The following TUSC3 variants were observed in gnomAD, a reference collection of about 807,000 sequenced individuals.
The protein encoded by TUSC3 is tumor suppressor candidate 3, also known as dolichyl-diphosphooligosaccharide--protein glycosyltransferase subunit TUSC3.
In TUSC3, 45 loss-of-function variants were observed where a neutral mutation model predicts 44.8. The observed-to-expected ratio is 1.00, with a 90% CI of 0.79 to 1.29. The LOEUF (loss-of-function observed/expected upper bound fraction) is 1.29. Among genes scored for constraint, TUSC3 ranks in the 50% most tolerant of loss-of-function variants. TUSC3 has a pLI of 0.00. For synonymous variants in TUSC3, 212 were observed against 152.9 expected (o/e 1.39, Z -2.85); for missense variants, 519 against 437.9 (o/e 1.19, Z -1.65).
chr8:15,656,771 G>A (rs1807187971), intron 3 of TUSC3, among the ~76,000 whole-genome samples: 1 of 152,196 alleles, frequency 6.6e-6, no homozygotes, highest in Non-Finnish European at 1.5e-5. Flanking sequence ...CTCTGCCTCT[G>A]CAACAAGTCT....
In TUSC3 at chr8:15,596,491, G is replaced by A. The variant is rs186790495; in HGVS notation, c.139-26589G>A. On this transcript the variant is annotated intron_variant, in intron 1 of 10. Transcript: ENST00000503731. Reference sequence around the variant, plus strand: ...GCATGTTCCGCAAGACCAACTGCAGGGCTTGAGTATATGCGGATTTTGGCG... The same window carrying A: ...GCATGTTCCGCAAGACCAACTGCAGAGCTTGAGTATATGCGGATTTTGGCG... 1.0e-3 allele frequency among the ~76,000 whole-genome samples: 159 copies of A among 152,184 alleles called. 1 individual carries two copies. The highest frequency in any genetic ancestry group is 1.1e-3 in the Admixed American group (17 of 15,268).
chr8:15,843,414 T>C, the TUSC3 span, among the ~76,000 whole-genome samples: 1 of 152,084 alleles, frequency 6.6e-6, no homozygotes, highest in Non-Finnish European at 1.5e-5. Context: ...GTTATTTAAC[T>C]CTTCGATTTT....
intron 6 of TUSC3, among the ~76,000 whole-genome samples, chr8:15,721,656 C>G (rs956560138): frequency 3.9e-5 from 6 of 151,914 alleles, no homozygotes; most frequent in Non-Finnish European, 7.4e-5. Flanking sequence ...CAAGAAAATT[C>G]TATGAAAGTA....
chr8:15,788,962 G>T, the TUSC3 span, among the ~76,000 whole-genome samples: 1 of 152,164 alleles, frequency 6.6e-6, no homozygotes, highest in African/African-American at 2.4e-5. Context: ...TAAGCAGATG[G>T]CATTGGCAAG....
intron 1 of TUSC3, among the ~76,000 whole-genome samples, chr8:15,616,062 A>C (rs943347080): frequency 6.6e-6 from 1 of 152,184 alleles, no homozygotes; most frequent in Non-Finnish European, 1.5e-5. Flanking sequence ...GTGTAGGAAT[A>C]AGTTCTAATG....
At chr8:15,616,774 G>A (rs942952401) in intron 1 of TUSC3, among the ~76,000 whole-genome samples, 2 of 152,130 alleles carry the variant, frequency 1.3e-5, no homozygotes, top group South Asian at 2.1e-4. Context: ...GTGCTCTGCC[G>A]TTGCTGGCAT....
intron 1 of TUSC3, among the ~76,000 whole-genome samples, chr8:15,464,128 G>T (rs536505740): frequency 6.6e-6 from 1 of 152,246 alleles, no homozygotes; most frequent in South Asian, 2.1e-4. Flanking sequence ...AGCCAAAATG[G>T]TTTACTGGTT....
chr8:15,556,291 A>C (rs972469496), intron 1 of TUSC3, among the ~76,000 whole-genome samples: 1 of 98,052 alleles, frequency 1.0e-5, no homozygotes, highest in African/African-American at 3.6e-5. Flanking sequence ...TTTACTGAGA[A>C]TGTTTTCCAA....
chr8:15,446,900 GA>G (rs201625839), intron 1 of TUSC3, among the ~76,000 whole-genome samples: 1 of 43,708 alleles, frequency 2.3e-5, no homozygotes, highest in African/African-American at 4.3e-5. Flanking sequence ...GTAGGTAACA[GA>G]AAAAAAAACA....
intron 1 of TUSC3, among the ~76,000 whole-genome samples, chr8:15,565,643 C>T (rs1802638738): frequency 6.6e-6 from 1 of 152,126 alleles, no homozygotes; most frequent in Non-Finnish European, 1.5e-5. Context: ...TGTCCTTCCC[C>T]AGTGGTGTTT....
intron 7 of TUSC3, among the ~76,000 whole-genome samples, chr8:15,740,021 G>A (rs1028619472): frequency 7.9e-5 from 12 of 152,104 alleles, no homozygotes; most frequent in African/African-American, 2.9e-4. Flanking sequence ...AAATTGTAGT[G>A]CTGGAACAAA....
At chr8:15,815,672 A>G in the TUSC3 span, among the ~76,000 whole-genome samples, 1 of 152,118 alleles carries the variant, frequency 6.6e-6, no homozygotes. Flanking sequence ...TGACTTTCTA[A>G]TGTTCAGCAA....
intron 1 of TUSC3, among the ~76,000 whole-genome samples, chr8:15,434,641 A>C (rs577033024): frequency 4.5e-4 from 68 of 150,372 alleles, no homozygotes; most frequent in African/African-American, 1.5e-3. Context: ...TTAACTCGTC[A>C]TTTAGCATTA....
intron 1 of TUSC3, among the ~76,000 whole-genome samples, chr8:15,608,156 G>C (rs777007577): frequency 6.6e-6 from 1 of 152,040 alleles, no homozygotes; most frequent in Non-Finnish European, 1.5e-5. Flanking sequence ...CTGAGTTCTT[G>C]ATTTTGATTC....
the TUSC3 span, among the ~76,000 whole-genome samples, chr8:15,776,569 G>A: frequency 6.6e-6 from 1 of 152,018 alleles, no homozygotes; most frequent in African/African-American, 2.4e-5. Context: ...ACTTCATTGT[G>A]TTACTAATAT....
At chr8:15,832,905 T>C in the TUSC3 span, among the ~76,000 whole-genome samples, 89,300 of 151,988 alleles carry the variant, frequency 0.59, 28,019 homozygotes, top group Non-Finnish European at 0.72. Flanking sequence ...TATCCCAGAT[T>C]GGAACTCATC....
intron 2 of TUSC3, among the ~76,000 whole-genome samples, chr8:15,513,287 G>A (rs897849952): frequency 1.3e-5 from 2 of 151,894 alleles, no homozygotes; most frequent in Non-Finnish European, 2.9e-5. Flanking sequence ...CTTGACTATA[G>A]TCATGGGTAA....
chr8:15,422,725 C>T (rs1799752910), intron 1 of TUSC3, among the ~76,000 whole-genome samples: 1 of 152,088 alleles, frequency 6.6e-6, no homozygotes, highest in African/African-American at 2.4e-5. Context: ...GATCAAAGGT[C>T]ACTGTAGCTT....
the TUSC3 span, among the ~76,000 whole-genome samples, chr8:15,849,155 A>C: frequency 6.6e-6 from 1 of 152,208 alleles, no homozygotes; most frequent in Non-Finnish European, 1.5e-5. Context: ...CAAACATTCC[A>C]TTTGGGGCAT....
Sources: allele counts gnomAD v4.1 joint callset (sites outside exome capture counted in the v4.1 genomes callset), GRCh38; gene constraint gnomAD v4.1.1; transcripts MANE v1.5; gene names NCBI Gene and HGNC (gene_info 2026-07-23, HGNC 2026-07-21).